The following ZDHHC14 variants were observed in gnomAD, a reference collection of about 807,000 sequenced individuals.
ZDHHC14 encodes zDHHC palmitoyltransferase 14.
ZDHHC14 carries 16 observed loss-of-function variants against 47.7 expected under a neutral mutation model. The observed-to-expected ratio is 0.34, with a 90% CI of 0.23 to 0.51. ZDHHC14 has a LOEUF of 0.51. Ranked by LOEUF, ZDHHC14 falls within the 20% of genes least tolerant of loss-of-function variation. The pLI, the probability that ZDHHC14 is intolerant of heterozygous loss-of-function variation, is 0.97. For missense variants in ZDHHC14, 515 were observed against 662.5 expected (o/e 0.78, Z 2.44); for synonymous variants, 293 against 278.9 (o/e 1.05, Z -0.50).
At chr6:157,531,774 T>C (rs183004310) in intron 1 of ZDHHC14, among the ~76,000 whole-genome samples, 1 of 152,362 alleles carries the variant, frequency 6.6e-6, no homozygotes, top group African/African-American at 2.4e-5. Flanking sequence ...ACGGTACTCG[T>C]AGACTTGTTC....
At chr6:157,665,194 G>A (rs1464242850) in intron 8 of ZDHHC14, among the ~76,000 whole-genome samples, 1 of 152,162 alleles carries the variant, frequency 6.6e-6, no homozygotes, top group Admixed American at 6.5e-5. Context: ...CTTATATACA[G>A]GCTGAATGCT....
chr6:157,589,492 G>A lies in ZDHHC14; in HGVS notation c.407-3496G>A, dbSNP rs376829281. Among the ~76,000 whole-genome samples, 9 of 152,256 alleles carry A rather than the reference G, an allele frequency of 5.9e-5. No individual in the cohort carries two copies. In the East Asian group the frequency reaches 1.2e-3, roughly 20 times the overall value. On this transcript the variant is annotated intron_variant, in intron 2 of 8. Coordinates refer to ENST00000359775, the MANE Select transcript of ZDHHC14 (RefSeq NM_024630.3). ...TGTCATGGGAGGGACCCAGTGGGAG[G>A]TAATTGAATCATGGGGGTGGTTACC...
intron 2 of ZDHHC14, among the ~76,000 whole-genome samples, chr6:157,546,107 G>A (rs373328935): frequency 1.3e-5 from 2 of 152,200 alleles, no homozygotes; most frequent in Admixed American, 6.5e-5. Context: ...CTTTGGGACC[G>A]CTGCCTGCCA....
chr6:157,534,489 C>T lies in ZDHHC14; in HGVS notation c.246-8096C>T, dbSNP rs111675486. 7.2e-3 allele frequency among the ~76,000 whole-genome samples: 1,102 copies of T among 152,012 alleles called. 13 individuals are homozygous for T. The highest frequency in any genetic ancestry group is 0.026 in the African/African-American group (1,066 of 41,358). ...GCAAAACAGTGTTGGCTTTCCCTCC[C>T]ATGATTCACATGCTACCCAGAAGCC... On this transcript the variant is annotated intron_variant, in intron 1 of 8. Transcript: ENST00000359775.
At chr6:157,532,569 T>C (rs1201292103) in intron 1 of ZDHHC14, among the ~76,000 whole-genome samples, 2 of 152,178 alleles carry the variant, frequency 1.3e-5, no homozygotes, top group Non-Finnish European at 2.9e-5. Context: ...CCTATATGTG[T>C]GGCCTTGTCC....
chr6:157,418,867 A>G (rs1778040574), intron 1 of ZDHHC14, among the ~76,000 whole-genome samples: 1 of 152,224 alleles, frequency 6.6e-6, no homozygotes, highest in African/African-American at 2.4e-5. Flanking sequence ...AGATAAGGCT[A>G]TTTAAAGACA....
chr6:157,540,315 T>C (rs1172385203), intron 1 of ZDHHC14, among the ~76,000 whole-genome samples: 1 of 152,162 alleles, frequency 6.6e-6, no homozygotes, highest in Non-Finnish European at 1.5e-5. Flanking sequence ...GAGAGTGCAC[T>C]TGGGACAGGG....
chr6:157,567,855 C>T (rs1782964587), intron 2 of ZDHHC14, among the ~76,000 whole-genome samples: 1 of 150,672 alleles, frequency 6.6e-6, no homozygotes, highest in African/African-American at 2.4e-5. Flanking sequence ...GATGTGGTTA[C>T]ACTGAAGTAG....
intron 1 of ZDHHC14, among the ~76,000 whole-genome samples, chr6:157,396,886 G>C (rs1441107043): frequency 6.6e-6 from 1 of 152,174 alleles, no homozygotes; most frequent in Non-Finnish European, 1.5e-5. Flanking sequence ...CTTTTAAACT[G>C]TATGCCTTTA....
intron 2 of ZDHHC14, among the ~76,000 whole-genome samples, chr6:157,547,789 C>T (rs548641016): frequency 4.1e-4 from 60 of 148,034 alleles, no homozygotes; most frequent in African/African-American, 1.4e-3. Flanking sequence ...ATGAAAGCTG[C>T]CATTATGAAT....
intron 2 of ZDHHC14, 82 bp from the exon 3 acceptor site, chr6:157,592,906 G>A (rs1338285663): frequency 1.3e-6 from 2 of 1,514,268 alleles, no homozygotes; most frequent in Admixed American, 4.5e-5. Context: ...CTGCCCTGGA[G>A]CTTACACTCC....
chr6:157,654,298 A>G (rs910361036), intron 8 of ZDHHC14, among the ~76,000 whole-genome samples: 2 of 152,138 alleles, frequency 1.3e-5, no homozygotes, highest in African/African-American at 2.4e-5. Flanking sequence ...GACACCAGGA[A>G]TCTCAGCCTG....
At chr6:157,504,976 A>G (rs1381616909) in intron 1 of ZDHHC14, among the ~76,000 whole-genome samples, 1 of 151,318 alleles carries the variant, frequency 6.6e-6, no homozygotes, top group Non-Finnish European at 1.5e-5. Context: ...ACACCCGGCT[A>G]ATTTTGTATT....
intron 1 of ZDHHC14, among the ~76,000 whole-genome samples, chr6:157,516,706 CA>C (rs1290919488): frequency 6.6e-6 from 1 of 152,164 alleles, no homozygotes; most frequent in African/African-American, 2.4e-5. Flanking sequence ...GAAAGAAGGT[CA>C]AGTCTGCGCT....
rs141096129 is a variant in ZDHHC14 at position 157,507,932 on chromosome 6, T to C, written c.246-34653T>C. On this transcript the variant is annotated intron_variant, in intron 1 of 8. Transcript: ENST00000359775. Reference sequence around the variant, plus strand: ...TTGAGATTTTAAATATCTGAAAATATGTTTATTTCAATCTTACACTTGATT... The same window carrying C: ...TTGAGATTTTAAATATCTGAAAATACGTTTATTTCAATCTTACACTTGATT... Among the ~76,000 whole-genome samples, 781 of 152,358 alleles carry C rather than the reference T, an allele frequency of 5.1e-3. 1 individual carries two copies. Among genetic ancestry groups the C allele is most frequent in the Non-Finnish European group, 8.7e-3 (593 of 68,042 alleles).
At chr6:157,514,255 G>A (rs553597122) in intron 1 of ZDHHC14, among the ~76,000 whole-genome samples, 12 of 152,284 alleles carry the variant, frequency 7.9e-5, no homozygotes, top group Admixed American at 2.6e-4. Flanking sequence ...GTAAACAACC[G>A]ACAAGCCAGC....
At chr6:157,387,231 G>GAA (rs112193006) in intron 1 of ZDHHC14, among the ~76,000 whole-genome samples, 23 of 144,366 alleles carry the variant, frequency 1.6e-4, no homozygotes, top group African/African-American at 4.0e-4. Flanking sequence ...TAATTCCTCT[G>GAA]AAAAAAAAAA....
intron 1 of ZDHHC14, among the ~76,000 whole-genome samples, chr6:157,426,440 G>T (rs1778221661): frequency 6.6e-6 from 1 of 152,238 alleles, no homozygotes; most frequent in Admixed American, 6.5e-5. Flanking sequence ...TGCCGCATTA[G>T]GGTCTTAGGA....
intron 1 of ZDHHC14, among the ~76,000 whole-genome samples, chr6:157,453,595 A>G (rs35640899): frequency 0.25 from 38,673 of 152,210 alleles, 5,968 homozygotes; most frequent in East Asian, 0.51. Flanking sequence ...TCATACAGTG[A>G]ATGTTTATTG....
Sources: allele counts gnomAD v4.1 joint callset (sites outside exome capture counted in the v4.1 genomes callset), GRCh38; gene constraint gnomAD v4.1.1; transcripts MANE v1.5; gene names NCBI Gene and HGNC (gene_info 2026-07-23, HGNC 2026-07-21).